The following DNMT1 variants were observed in gnomAD, a reference collection of about 807,000 sequenced individuals.
DNMT1 encodes DNA methyltransferase 1.
A neutral mutation model predicts 205.3 loss-of-function variants in DNMT1; 24 were observed. The ratio of observed to expected loss-of-function variants is 0.12; its 90% CI spans 0.08 to 0.16. DNMT1 has a LOEUF of 0.16. Ranked by LOEUF, DNMT1 falls within the 10% of genes least tolerant of loss-of-function variation. The probability of loss-of-function intolerance (pLI) is 1.00; values close to 1 mark genes in which losing one functional copy is unlikely to be tolerated. For synonymous variants in DNMT1, 817 were observed against 839.8 expected, an observed-to-expected ratio of 0.97 and a Z score of 0.47; for missense variants, 1,293 against 2,177.7, an observed-to-expected ratio of 0.59 and a Z score of 8.09.
chr19:10,186,552 C>T (rs959251808), intron 1 of DNMT1, among the ~76,000 whole-genome samples: 1 of 152,050 alleles, frequency 6.6e-6, no homozygotes, highest in East Asian at 1.9e-4. Context: ...TATATATAAA[C>T]AGCTGGCCAG....
chr19:10,175,788 C>T (rs1017077186), intron 6 of DNMT1, among the ~76,000 whole-genome samples, 170 bp from the exon 7 acceptor site: 2 of 152,176 alleles, frequency 1.3e-5, no homozygotes, highest in Admixed American at 6.5e-5. Flanking sequence ...TAAGAAATCA[C>T]GGGTCTAAAC....
At chr19:10,191,704 G>C (rs1423135870) in intron 1 of DNMT1, among the ~76,000 whole-genome samples, 1 of 152,120 alleles carries the variant, frequency 6.6e-6, no homozygotes. Context: ...AAGAACTCTT[G>C]AGGAATAATG....
intron 1 of DNMT1, among the ~76,000 whole-genome samples, chr19:10,182,380 T>C (rs2039067851): frequency 1.4e-5 from 2 of 144,356 alleles, no homozygotes; most frequent in Admixed American, 1.4e-4. Context: ...TGTGTATATA[T>C]ATACATATAT....
chr19:10,137,442 C>G lies in DNMT1; in HGVS notation c.4294-162G>C. The G allele has an allele frequency of 2.3e-6, 2 of 859,090 alleles. No homozygotes were observed. Among genetic ancestry groups the G allele is most frequent in the Non-Finnish European group, 3.6e-6 (2 of 556,978 alleles). The allele number at this position is 859,090 out of a possible 1,614,324, so 53.2% of individuals were successfully genotyped here. On this transcript the variant is annotated intron_variant, in intron 36 of 40. Transcript: ENST00000359526. This position sits in a 1 kb window ranked among gnomAD's most constrained non-coding sequence, Gnocchi z 6.4. Reference sequence around the variant, plus strand: ...GGATATCGCACTTGGCTCGAGGCCACGGCAGGGACCTGAGGCAGCGCAGGT... The same window carrying G: ...GGATATCGCACTTGGCTCGAGGCCAGGGCAGGGACCTGAGGCAGCGCAGGT...
In DNMT1 at chr19:10,133,563, C is replaced by T. The variant is rs2145245463; in HGVS notation, c.*104G>A. On this transcript the variant is annotated 3_prime_UTR_variant, in exon 41 of 41. Coordinates refer to ENST00000359526, the MANE Select transcript of DNMT1 (RefSeq NM_001130823.3). This position sits in a 1 kb window ranked among gnomAD's most constrained non-coding sequence, Gnocchi z 4.1. ...TCATGTCAGCCAAGGCCACAAACAC[C>T]ATGTACCACACATGTGAACGGACAG... The T allele has an allele frequency of 7.3e-7, 1 of 1,369,572 alleles. No individual in the cohort carries two copies. The highest frequency in any genetic ancestry group is 1.0e-6 in the Non-Finnish European group (1 of 983,050). 84.8% of individuals were successfully genotyped at this position (1,369,572 alleles called of 1,614,324 possible).
intron 9 of DNMT1, among the ~76,000 whole-genome samples, chr19:10,171,621 T>A (rs2038816307): frequency 6.6e-6 from 1 of 151,954 alleles, no homozygotes; most frequent in South Asian, 2.1e-4. Flanking sequence ...CTGGCTAACG[T>A]GGTGAAACCC....
chr19:10,162,372 C>T (rs965020539), intron 13 of DNMT1, among the ~76,000 whole-genome samples: 44 of 151,560 alleles, frequency 2.9e-4, no homozygotes, highest in Non-Finnish European at 5.4e-4. Context: ...CAGGCTCAAG[C>T]GATTCTCCTA....
intron 5 of DNMT1, 131 bp downstream of exon 5, chr19:10,180,056 G>T: frequency 1.2e-5 from 5 of 424,026 alleles, no homozygotes; most frequent in East Asian, 4.9e-5. Context: ...GCTTATGCCT[G>T]TAATCCCAGC....
At position 10,166,804 on chromosome 19, in the gene DNMT1, C is replaced by T. The variant is rs1003240059; in HGVS notation, c.804-119G>A. ...CCCAGGTTCAGAGGACAGGCTGCCT[C>T]TCCTGTCTTCACTGCAGGAAGCCCA... is the stretch of plus-strand genomic sequence containing the variant. On this transcript the variant is annotated intron_variant, in intron 10 of 40. Transcript: ENST00000359526. 3.1e-5 allele frequency: 33 copies of T among 1,055,232 alleles called. No homozygotes were observed. The Admixed American group carries it at 6.2e-4, about 20-fold the overall frequency. The allele number at this position is 1,055,232 out of a possible 1,614,324, so 65.4% of individuals were successfully genotyped here.
At chr19:10,191,074 A>G (rs897268204) in intron 1 of DNMT1, among the ~76,000 whole-genome samples, 7 of 152,050 alleles carry the variant, frequency 4.6e-5, no homozygotes, top group Middle Eastern at 3.4e-3. Flanking sequence ...GATCACGGCC[A>G]CTGCACTCCA....
At chr19:10,139,620 C>T (rs1289869345) in intron 34 of DNMT1, 56 bp downstream of exon 34, 12 of 1,588,440 alleles carry the variant, frequency 7.6e-6, no homozygotes, top group Non-Finnish European at 3.4e-6. Context: ...TGGCTGGCTG[C>T]TGGCCGGGTC....
At chr19:10,187,884 T>C (rs2039225255) in intron 1 of DNMT1, among the ~76,000 whole-genome samples, 2 of 151,646 alleles carry the variant, frequency 1.3e-5, no homozygotes, top group African/African-American at 2.4e-5. Context: ...AGCATGTGCC[T>C]ATAGGCCTAG....
At position 10,140,052 on chromosome 19, in the gene DNMT1, A is replaced by G. The variant is rs2145265133; in HGVS notation, c.3800T>C (p.Phe1267Ser). 3 of 1,609,938 alleles carry G rather than the reference A, an allele frequency of 1.9e-6. No homozygotes were observed. The highest frequency in any genetic ancestry group is 1.7e-6 in the Non-Finnish European group (2 of 1,180,006). The change falls in exon 33 of 41, where the codon TTC becomes TCC. Residue 1267 changes from phenylalanine (F) to serine (S), a missense_variant. Physicochemically the swap from Phe to Ser is radical, Grantham distance 155. Transcript: ENST00000359526. The surrounding 1 kb of genome is among the most constrained non-coding windows in gnomAD (Gnocchi z 8.4). The part of the protein sequence containing the change: ...SKFKNSLVVS[F>S]LSYCDYYRPR... ...GGGGCTTCTACCCGTTTACCTGAGG[A>G]AGGAAACCACCAGAGAGTTTTTGAA...
In DNMT1 at chr19:10,140,203, C is replaced by T; in HGVS notation, c.3649G>A (p.Gly1217Arg). 3 of 1,614,078 alleles carry T rather than the reference C, an allele frequency of 1.9e-6. No homozygotes were observed. The highest frequency in any genetic ancestry group is 2.5e-6 in the Non-Finnish European group (3 of 1,180,042). ...CNILLKLVMA[G>R]ETTNSRGQRL... ...TGGCCGCGGGAGTTGGTGGTCTCCC[C>T]AGCCATGACCAGCTTCAGCAGGATG... is the stretch of plus-strand genomic sequence containing the variant. The change falls in exon 33 of 41, where the codon GGG becomes AGG. Residue 1217 changes from glycine (G) to arginine (R), a missense_variant. Around this residue, in one of 13 missense-constraint regions of DNMT1, gnomAD observed 24 missense variants for 27.2 expected, o/e 0.88. Coordinates refer to ENST00000359526, the MANE Select transcript of DNMT1 (RefSeq NM_001130823.3). The surrounding 1 kb of genome is among the most constrained non-coding windows in gnomAD (Gnocchi z 8.4).
intron 22 of DNMT1, among the ~76,000 whole-genome samples, chr19:10,153,643 T>TAA (rs35281765): frequency 7.5e-5 from 9 of 119,388 alleles, no homozygotes; most frequent in Admixed American, 5.7e-4. Flanking sequence ...TCAAAAAAAT[T>TAA]AAAAAAAAAA....
intron 5 of DNMT1, 120 bp downstream of exon 5, chr19:10,180,067 A>T (rs544273924): frequency 2.2e-6 from 1 of 460,656 alleles, no homozygotes; most frequent in Admixed American, 3.4e-5. Context: ...TAATCCCAGC[A>T]CTTTGGGAGG....
chr19:10,134,097 G>A (rs569757504), intron 40 of DNMT1, 120 bp downstream of exon 40: 16 of 1,007,130 alleles, frequency 1.6e-5, no homozygotes, highest in Admixed American at 3.6e-5. Flanking sequence ...ATGGGGCCAC[G>A]AACGTGGGTA....
rs1038543765 is a variant in DNMT1 at position 10,165,823 on chromosome 19, C to A, written c.891+775G>T. ...GGAGTGCTGACAGTAAGGTGACCAA[C>A]ATTTGGACAGAAGAGGTGAGGGATG... On this transcript the variant is annotated intron_variant, in intron 11 of 40. Transcript: ENST00000359526. Among the ~76,000 whole-genome samples the A allele has an allele frequency of 2.6e-5, 4 of 152,166 alleles. No homozygotes were observed. The South Asian group carries it at 6.2e-4, about 24-fold the overall frequency.
At position 10,180,410 on chromosome 19, in the gene DNMT1, G is replaced by T. The variant is rs1085307715; in HGVS notation, c.385C>A (p.Pro129Thr). ...RVGMADANSP[P>T]KPLSKPRTPR... ...GTGCGAGGTTTGGAAAGGGGTTTGG[G>T]GGGGCTGTTGGCATCTGCCATTCCC... Residue 129 changes from proline to threonine, a missense_variant, in exon 4 of 41, where the codon CCC becomes ACC. Transcript: ENST00000359526. 1 of 1,614,032 alleles carries T rather than the reference G, an allele frequency of 6.2e-7. No individual in the cohort carries two copies. Among genetic ancestry groups the T allele is most frequent in the Non-Finnish European group, 8.5e-7 (1 of 1,180,040 alleles).
Sources: gnomAD v4.1 joint callset for allele counts (sites outside exome capture counted in the v4.1 genomes callset) on GRCh38, gnomAD v4.1.1 for gene constraint, gnomAD v4.1.1 regional missense constraint, Gnocchi (gnomAD v3.1) non-coding constraint, MANE v1.5 for transcripts, NCBI Gene and HGNC (gene_info 2026-07-23, HGNC 2026-07-21) for gene names.